The following DYNC1I1 variants were observed in gnomAD, a reference collection of about 807,000 sequenced individuals.
The protein encoded by DYNC1I1 is cytoplasmic dynein 1 intermediate chain 1.
In DYNC1I1, 43 loss-of-function variants were observed where a neutral mutation model predicts 86.6. That is an observed-to-expected ratio of 0.50 (90% CI 0.39 to 0.64). The LOEUF (loss-of-function observed/expected upper bound fraction) is 0.64. Ranked by LOEUF, DYNC1I1 falls within the 30% of genes least tolerant of loss-of-function variation. DYNC1I1 has a pLI of 0.00. For synonymous variants in DYNC1I1, 262 were observed against 283.7 expected (o/e 0.92, Z 0.77); for missense variants, 604 against 788.8 (o/e 0.77, Z 2.81).
chr7:95,995,257 T>A (rs1793835437), intron 9 of DYNC1I1, among the ~76,000 whole-genome samples: 1 of 149,602 alleles, frequency 6.7e-6, no homozygotes, highest in African/African-American at 2.5e-5. Context: ...AAAAAATAAA[T>A]AAATAAATAA....
At chr7:95,801,291 G>A (rs998901974) in intron 1 of DYNC1I1, among the ~76,000 whole-genome samples, 1 of 151,814 alleles carries the variant, frequency 6.6e-6, no homozygotes, top group Non-Finnish European at 1.5e-5. Context: ...TTGACTCTCC[G>A]GCTGGGAATT....
intron 16 of DYNC1I1, among the ~76,000 whole-genome samples, chr7:96,092,100 G>T (rs1332567271): frequency 6.6e-6 from 1 of 152,044 alleles, no homozygotes; most frequent in Non-Finnish European, 1.5e-5. Context: ...ATGAAAGTTA[G>T]CTATTATTAA....
At chr7:95,844,481 G>A (rs1021363290) in intron 5 of DYNC1I1, among the ~76,000 whole-genome samples, 1 of 152,180 alleles carries the variant, frequency 6.6e-6, no homozygotes, top group East Asian at 1.9e-4. Context: ...TTGCAGTAAA[G>A]AATTTAATTG....
chr7:95,887,195 C>T (rs1330200350), intron 6 of DYNC1I1, among the ~76,000 whole-genome samples: 2 of 152,160 alleles, frequency 1.3e-5, no homozygotes, highest in Non-Finnish European at 2.9e-5. Context: ...GATGTCTGGG[C>T]TTCACGAACC....
intron 6 of DYNC1I1, among the ~76,000 whole-genome samples, chr7:95,936,317 A>G (rs897680352): frequency 6.6e-6 from 1 of 152,036 alleles, no homozygotes; most frequent in African/African-American, 2.4e-5. Flanking sequence ...GTTTTTAGTA[A>G]TGAACCATTT....
chr7:95,847,952 T>C (rs374484768), intron 5 of DYNC1I1, among the ~76,000 whole-genome samples: 2 of 152,194 alleles, frequency 1.3e-5, no homozygotes, highest in African/African-American at 4.8e-5. Context: ...TTGGCTCTTA[T>C]TATATGCTAC....
At chr7:96,102,477 C>G (rs1791150215), downstream of DYNC1I1, among the ~76,000 whole-genome samples, 1 of 152,130 alleles carries the variant, frequency 6.6e-6, no homozygotes, top group African/African-American at 2.4e-5. Context: ...ATGCTGGGCT[C>G]TTAAATACAA....
chr7:95,786,384 C>T (rs899996918), intron 1 of DYNC1I1, among the ~76,000 whole-genome samples: 7 of 152,188 alleles, frequency 4.6e-5, no homozygotes, highest in African/African-American at 1.4e-4. Flanking sequence ...TGTGCTCCAG[C>T]TCTTGCAAGC....
chr7:95,795,341 A>G (rs1386093676), intron 1 of DYNC1I1, among the ~76,000 whole-genome samples: 2 of 132,958 alleles, frequency 1.5e-5, no homozygotes, highest in Admixed American at 7.5e-5. Context: ...GTGTATGACT[A>G]TATCTGTTTC....
At chr7:96,095,872 A>T (rs1467660362) in intron 16 of DYNC1I1, among the ~76,000 whole-genome samples, 3 of 152,160 alleles carry the variant, frequency 2.0e-5, no homozygotes, top group Non-Finnish European at 4.4e-5. Context: ...AAAGAGTCCA[A>T]AGTAGGGAAA....
At chr7:95,987,225 G>A in intron 9 of DYNC1I1, 70 bp downstream of exon 9, 1 of 1,386,388 alleles carries the variant, frequency 7.2e-7, no homozygotes, top group East Asian at 2.3e-5. Context: ...AAAAATAAGA[G>A]ATTTGTTTAC....
intron 16 of DYNC1I1, among the ~76,000 whole-genome samples, chr7:96,085,878 A>T (rs1307322814): frequency 6.6e-6 from 1 of 152,220 alleles, no homozygotes; most frequent in African/African-American, 2.4e-5. Flanking sequence ...CATGGGTAGG[A>T]TAATAAGTCA....
chr7:95,864,820 A>C (rs1386101659), intron 5 of DYNC1I1, among the ~76,000 whole-genome samples: 1 of 152,008 alleles, frequency 6.6e-6, no homozygotes, highest in Non-Finnish European at 1.5e-5. Flanking sequence ...GTGGCACTAA[A>C]GCCTCTAGAA....
At chr7:95,882,956 A>G (rs1790493996) in intron 6 of DYNC1I1, among the ~76,000 whole-genome samples, 1 of 152,150 alleles carries the variant, frequency 6.6e-6, no homozygotes, top group Non-Finnish European at 1.5e-5. Flanking sequence ...GGTTAGGCAT[A>G]AAAGTGTTCT....
At chr7:96,056,208 A>G (rs1789573408) in intron 14 of DYNC1I1, 1 of 151,874 alleles carries the variant, frequency 6.6e-6, no homozygotes, top group Non-Finnish European at 1.5e-5. Flanking sequence ...CCAGTCAATG[A>G]GCTGAGTTTT....
intron 5 of DYNC1I1, among the ~76,000 whole-genome samples, chr7:95,862,066 A>G (rs895209151): frequency 6.6e-6 from 1 of 152,224 alleles, no homozygotes; most frequent in African/African-American, 2.4e-5. Context: ...GAACACAGAC[A>G]TAAATGTGAG....
Position 96,080,353 on chromosome 7 carries a change from C to T in DYNC1I1, c.1651-10C>T. 1.9e-6 allele frequency: 3 copies of T among 1,587,496 alleles called. No homozygotes were observed. The highest frequency in any genetic ancestry group is 1.2e-5 in the South Asian group (1 of 85,780). ...GAGATTCTTTTATTCTGTTGTGAAC[C>T]CTTTGGCAGGTTCCAACAGCAAGTG... On this transcript the variant is annotated splice_polypyrimidine_tract_variant and intron_variant, in intron 15 of 16. Transcript: ENST00000447467.
intron 6 of DYNC1I1, among the ~76,000 whole-genome samples, chr7:95,966,363 A>T (rs758312167): frequency 6.6e-6 from 1 of 152,212 alleles, no homozygotes; most frequent in Non-Finnish European, 1.5e-5. Context: ...TTTGCCTCAG[A>T]TACAAAGTCT....
At chr7:95,919,701 A>T (rs1791561953) in intron 6 of DYNC1I1, among the ~76,000 whole-genome samples, 1 of 152,212 alleles carries the variant, frequency 6.6e-6, no homozygotes, top group Admixed American at 6.5e-5. Context: ...CAAAATCAAC[A>T]TGAAAATTGG....
Sources: allele counts gnomAD v4.1 joint callset (sites outside exome capture counted in the v4.1 genomes callset), GRCh38; gene constraint gnomAD v4.1.1; transcripts MANE v1.5; gene names NCBI Gene and HGNC (gene_info 2026-07-23, HGNC 2026-07-21).